Variants in CEP120 observed in about 807,000 individuals in gnomAD.
The protein encoded by CEP120 is centrosomal protein of 120 kDa.
CEP120 carries 113 observed loss-of-function variants against 126.5 expected under a neutral mutation model. That is an observed-to-expected ratio of 0.89 (90% CI 0.77 to 1.04). The LOEUF is 1.04. Ranked by LOEUF, CEP120 falls within the 50% of genes least tolerant of loss-of-function variation. CEP120 has a pLI of 0.00. For missense variants in CEP120, 1,230 were observed against 1,155.7 expected, an observed-to-expected ratio of 1.06 and a Z score of -0.93; for synonymous variants, 400 against 394.3, an observed-to-expected ratio of 1.01 and a Z score of -0.17.
rs544125813 is a variant in CEP120 at position 123,346,890 on chromosome 5, G to T, written c.2727-137C>A. 358 of 603,988 alleles carry T rather than the reference G, an allele frequency of 5.9e-4. 1 individual carries two copies. The highest frequency in any genetic ancestry group is 8.2e-4 in the Non-Finnish European group (310 of 379,556). The allele number at this position is 603,988 out of a possible 1,614,324, so 37.4% of individuals were successfully genotyped here. A position where few individuals can be genotyped will look rare whatever the true frequency, so the allele number is the denominator to read the frequency against. ...GAAGAAAACAAACCAAAAAAAACCA[G>T]TGTTCCACTTGGCTAGTCAGAGTCT... is the stretch of plus-strand genomic sequence containing the variant. On this transcript the variant is annotated intron_variant, in intron 19 of 19. Coordinates refer to ENST00000306467, the MANE Select transcript of CEP120 (RefSeq NM_001375405.1).
At chr5:123,370,770 TTATATA>T (rs1562019444) in intron 17 of CEP120, among the ~76,000 whole-genome samples, 1 of 148,098 alleles carries the variant, frequency 6.8e-6, no homozygotes, top group African/African-American at 2.5e-5. Context: ...TATATATATA[TTATATA>T]TGTATATTTT....
intron 4 of CEP120, chr5:123,401,991 A>G (rs1562075300): frequency 1.2e-5 from 19 of 1,605,996 alleles, no homozygotes; most frequent in Middle Eastern, 1.7e-4. Context: ...GGTCTCCAGC[A>G]TCTTGTTCTG....
chr5:123,346,471 A>G lies in CEP120; in HGVS notation c.*48T>C. ...CCTCACTTTTGAGGTTTTTACAAAG[A>G]AATTAAAATTTAGACTTAGAGTCTC... On this transcript the variant is annotated 3_prime_UTR_variant, in exon 20 of 20. Coordinates refer to ENST00000306467, the MANE Select transcript of CEP120 (RefSeq NM_001375405.1). 1 of 1,390,172 alleles carries G rather than the reference A, an allele frequency of 7.2e-7. No individual in the cohort carries two copies. Among genetic ancestry groups the G allele is most frequent in the Non-Finnish European group, 9.9e-7 (1 of 1,011,578 alleles). 86.1% of individuals were successfully genotyped at this position (1,390,172 alleles called of 1,614,324 possible). A position where few individuals can be genotyped will look rare whatever the true frequency, so the allele number is the denominator to read the frequency against.
chr5:123,351,596 T>C (rs999942977), intron 18 of CEP120, among the ~76,000 whole-genome samples: 1 of 152,200 alleles, frequency 6.6e-6, no homozygotes, highest in South Asian at 2.1e-4. Flanking sequence ...GTATCCTTTA[T>C]CTGAAATGCT....
intron 4 of CEP120, among the ~76,000 whole-genome samples, chr5:123,410,969 A>G (rs150308908): frequency 0.026 from 3,919 of 152,338 alleles, 170 homozygotes; most frequent in African/African-American, 0.089. Context: ...ATATACAAAG[A>G]ACTCTTAAAA....
intron 4 of CEP120, among the ~76,000 whole-genome samples, chr5:123,399,952 A>C (rs960517201): frequency 1.3e-5 from 2 of 152,270 alleles, no homozygotes; most frequent in African/African-American, 4.8e-5. Context: ...TTGATTTAAA[A>C]AACAAAAAAC....
At chr5:123,419,321 T>C (rs1431522110) in intron 1 of CEP120, among the ~76,000 whole-genome samples, 2 of 152,202 alleles carry the variant, frequency 1.3e-5, no homozygotes, top group African/African-American at 2.4e-5. Context: ...CAAATTTGCC[T>C]GCAGCTTAAT....
chr5:123,375,089 A>C (rs759906813), intron 16 of CEP120, among the ~76,000 whole-genome samples: 15 of 152,124 alleles, frequency 9.9e-5, no homozygotes, highest in Admixed American at 9.2e-4. Flanking sequence ...AAGGACCCAA[A>C]AAGCTTTTCC....
At position 123,418,371 on chromosome 5, in the gene CEP120, A is replaced by C; in HGVS notation, c.194T>G (p.Leu65Arg). 1 of 1,601,870 alleles carries C rather than the reference A, an allele frequency of 6.2e-7. No homozygotes were observed. Among genetic ancestry groups the C allele is most frequent in the Non-Finnish European group, 8.5e-7 (1 of 1,172,952 alleles). ...AAATGATAATCACCTGTGCTGATGA[A>C]GCGCTTTCCTGTCAATTTCCCAAGC... The part of the protein sequence containing the change: ...ELAWEIDRKA[L>R]HQHRLQRTPI... The change falls in exon 2 of 20, where the codon CTT (leucine) becomes CGT (arginine). Residue 65 changes from leucine (L) to arginine (R), a missense_variant. Coordinates refer to ENST00000306467, the MANE Select transcript of CEP120 (RefSeq NM_001375405.1).
Position 123,378,498 on chromosome 5 carries a change from C to A in CEP120, c.2104-70G>T, listed in dbSNP as rs193219870. ...CCCAAACTTAAAACACACACAAATT[C>A]AAAAATACACATCATTTCACTGAAA... On this transcript the variant is annotated intron_variant, in intron 14 of 19. Transcript: ENST00000306467. 6.1e-4 allele frequency: 482 copies of A among 791,938 alleles called. 4 individuals are homozygous for A. In the African/African-American group the frequency reaches 8.5e-3, roughly 14 times the overall value. 49.1% of individuals were successfully genotyped at this position (791,938 alleles called of 1,614,324 possible).
intron 13 of CEP120, 125 bp from the exon 14 acceptor site, chr5:123,382,325 T>C (rs1174522962): frequency 9.1e-6 from 2 of 219,868 alleles, no homozygotes; most frequent in African/African-American, 3.1e-5. Flanking sequence ...TTTTTTATTC[T>C]AAAAAAAAAA....
At chr5:123,363,504 C>CTA (rs34732995) in intron 18 of CEP120, among the ~76,000 whole-genome samples, 67,801 of 151,082 alleles carry the variant, frequency 0.45, 15,446 homozygotes, top group East Asian at 0.58. Flanking sequence ...CTACCCATGT[C>CTA]TATCCTTAGT....
intron 18 of CEP120, among the ~76,000 whole-genome samples, chr5:123,354,983 T>C (rs952164836): frequency 2.0e-5 from 3 of 149,748 alleles, no homozygotes; most frequent in Admixed American, 1.3e-4. Flanking sequence ...CCCCTTCCTG[T>C]GTCCATGTGT....
intron 3 of CEP120, among the ~76,000 whole-genome samples, chr5:123,415,590 T>C (rs1221671443): frequency 4.6e-5 from 7 of 152,180 alleles, no homozygotes; most frequent in Admixed American, 2.0e-4. Context: ...AACTGCCATA[T>C]TGGCTGGGTG....
At chr5:123,379,404 C>T (rs966229517) in intron 14 of CEP120, among the ~76,000 whole-genome samples, 3 of 151,966 alleles carry the variant, frequency 2.0e-5, no homozygotes, top group African/African-American at 7.2e-5. Flanking sequence ...GAATGAAAAC[C>T]TAATTATTTT....
At chr5:123,418,640 A>C in intron 1 of CEP120, 125 bp from the exon 2 acceptor site, 1 of 753,774 alleles carries the variant, frequency 1.3e-6, no homozygotes. Context: ...TCTGTTGCTT[A>C]GGCTGGAGTT....
At chr5:123,367,536 G>A (rs369131566) in intron 17 of CEP120, among the ~76,000 whole-genome samples, 24 of 151,758 alleles carry the variant, frequency 1.6e-4, no homozygotes, top group African/African-American at 2.9e-4. Flanking sequence ...CAGATTTTCC[G>A]AACAGCGATG....
At chr5:123,423,612 G>T (rs527532994), upstream of CEP120, 198 of 152,608 alleles carry the variant, frequency 1.3e-3, 2 homozygotes, top group Admixed American at 2.3e-3. Flanking sequence ...AAGCTGCGTA[G>T]CCTTTAAGGA....
At position 123,356,595 on chromosome 5, in the gene CEP120, TCTC is replaced by T. The variant is rs569830975; in HGVS notation, c.2581-6509_2581-6507del. Among the ~76,000 whole-genome samples, 166 of 142,914 alleles carry T rather than the reference TCTC, an allele frequency of 1.2e-3. 1 individual carries two copies. The highest frequency in any genetic ancestry group is 3.9e-3 in the African/African-American group (154 of 39,748). 93.8% of individuals were successfully genotyped at this position (142,914 alleles called of 152,430 possible). A position where few individuals can be genotyped will look rare whatever the true frequency, so the allele number is the denominator to read the frequency against. On this transcript the variant is annotated intron_variant, in intron 18 of 19. Coordinates refer to ENST00000306467, the MANE Select transcript of CEP120 (RefSeq NM_001375405.1). ...CACCTATTTTATGTTCCTTCTTCTC[TCTC>T]CTTTTAATCAAATAATTTGTCATTC... is the stretch of plus-strand genomic sequence containing the variant.
Sources: allele counts gnomAD v4.1 joint callset (sites outside exome capture counted in the v4.1 genomes callset), GRCh38; gene constraint gnomAD v4.1.1; transcripts MANE v1.5; gene names NCBI Gene and HGNC (gene_info 2026-07-23, HGNC 2026-07-21).